The following PSTPIP1 variants were observed in gnomAD, a reference collection of about 807,000 sequenced individuals.
The protein encoded by PSTPIP1 is proline-serine-threonine phosphatase interacting protein 1, also known as proline-serine-threonine phosphatase-interacting protein 1.
PSTPIP1 carries 66 observed loss-of-function variants against 69.6 expected under a neutral mutation model. The observed-to-expected ratio is 0.95, with a 90% CI of 0.78 to 1.16. The LOEUF (loss-of-function observed/expected upper bound fraction) is 1.16, where lower values mean the gene tolerates loss of function less well. Among genes scored for constraint, PSTPIP1 ranks in the 50% most tolerant of loss-of-function variants. PSTPIP1 has a pLI of 0.00. For missense variants in PSTPIP1, 603 were observed against 557.4 expected (o/e 1.08, Z -0.82); for synonymous variants, 266 against 222.7 (o/e 1.19, Z -1.73).
intron 12 of PSTPIP1, among the ~76,000 whole-genome samples, chr15:77,034,397 A>C (rs1348899485): frequency 6.6e-6 from 1 of 151,980 alleles, no homozygotes; most frequent in African/African-American, 2.4e-5. Flanking sequence ...CACCCTGCGC[A>C]TGTGTGTGCA....
At chr15:77,001,170 A>G (rs1281789492) in intron 1 of PSTPIP1, among the ~76,000 whole-genome samples, 1 of 152,232 alleles carries the variant, frequency 6.6e-6, no homozygotes, top group East Asian at 1.9e-4. Context: ...TATTCTGGAC[A>G]GTGACACCAT....
chr15:76,994,970 C>T (rs115845814), upstream of PSTPIP1: 1,904 of 1,200,650 alleles, frequency 1.6e-3, 16 homozygotes, highest in African/African-American at 0.025. Flanking sequence ...GCTCCCTTAG[C>T]ATATGGCCTC....
rs1209371817 is a variant in PSTPIP1, at chr15:77,032,402, C to T, written c.838+8C>T. Reference sequence around the variant, plus strand: ...CGGGCACAGAGCCCCCCGGTGAGGTCCGGCTTGCGGACAGCGCAGCCTCTA... The same window carrying T: ...CGGGCACAGAGCCCCCCGGTGAGGTTCGGCTTGCGGACAGCGCAGCCTCTA... On this transcript the variant is annotated splice_region_variant and intron_variant, in intron 11 of 14. Coordinates refer to ENST00000558012, the MANE Select transcript of PSTPIP1 (RefSeq NM_003978.5). 6.2e-7 allele frequency: 1 copy of T among 1,612,500 alleles called. No homozygotes were observed. Among genetic ancestry groups the T allele is most frequent in the Admixed American group, 1.7e-5 (1 of 60,020 alleles).
chr15:76,998,748 G>T (rs1404326107), intron 1 of PSTPIP1, among the ~76,000 whole-genome samples: 1 of 152,198 alleles, frequency 6.6e-6, no homozygotes, highest in East Asian at 1.9e-4. Flanking sequence ...ACACAGTCCT[G>T]TCCCTCAGTC....
At chr15:77,034,752 G>A (rs758664536) in intron 12 of PSTPIP1, among the ~76,000 whole-genome samples, 8 of 152,228 alleles carry the variant, frequency 5.3e-5, no homozygotes, top group Non-Finnish European at 8.8e-5. Flanking sequence ...TCTTGCCTTG[G>A]AGGCAGTGTC....
chr15:77,030,916 CCT>C (rs1263956909), intron 9 of PSTPIP1, among the ~76,000 whole-genome samples: 1 of 152,248 alleles, frequency 6.6e-6, no homozygotes, highest in East Asian at 1.9e-4. Context: ...GTCCGAGGTC[CCT>C]CTCACTACCC....
In PSTPIP1 at chr15:77,031,180, GC is replaced by G; in HGVS notation, c.645del (p.Gln217SerfsTer8). ...WEQEHRTTCE[A>X]FQLQEFDRLT... is the part of the protein sequence containing the mutation. ...CTCACCTCCCTCCCACTGCCCCCAG[GC>G]CTTTCAGCTGCAAGAGTTTGACCGG... On this transcript the variant is annotated frameshift_variant and splice_region_variant, in exon 10 of 15. Transcript: ENST00000558012. LOFTEE classifies it high-confidence loss of function. The G allele has an allele frequency of 6.2e-7, 1 of 1,612,146 alleles. No individual in the cohort carries two copies. Among genetic ancestry groups the G allele is most frequent in the Non-Finnish European group, 8.5e-7 (1 of 1,179,392 alleles).
chr15:77,036,084 G>A (rs908794039), intron 14 of PSTPIP1, 149 bp downstream of exon 14: 27 of 1,114,098 alleles, frequency 2.4e-5, no homozygotes, highest in Admixed American at 5.8e-5. Flanking sequence ...ACGTGTGCCC[G>A]AGTGTGTCCA....
intron 1 of PSTPIP1, chr15:77,015,852 C>A (rs997287851): frequency 2.2e-6 from 1 of 449,052 alleles, no homozygotes; most frequent in Non-Finnish European, 4.5e-6. Context: ...GTAGCTCACT[C>A]GGCCACAGCC....
rs2076604238 is a variant in PSTPIP1 at position 77,037,244 on chromosome 15, C to T, written c.*68C>T. The stretch of plus-strand genomic sequence containing the variant: ...CCAGCAGTGCCCCCAGCACTGTCCC[C>T]ACCTTGCTAGGGCCCAGAACCAAGC... On this transcript the variant is annotated 3_prime_UTR_variant, in exon 15 of 15. Transcript: ENST00000558012. 4.6e-6 allele frequency: 7 copies of T among 1,537,154 alleles called. No individual in the cohort carries two copies. The highest frequency in any genetic ancestry group is 1.4e-5 in the African/African-American group (1 of 72,850).
chr15:77,006,059 A>G (rs930439583), intron 1 of PSTPIP1, among the ~76,000 whole-genome samples: 1 of 152,172 alleles, frequency 6.6e-6, no homozygotes, highest in Non-Finnish European at 1.5e-5. Flanking sequence ...AGTAACCGCC[A>G]AACAGTTTTA....
chr15:77,027,365 CTG>C lies in PSTPIP1; in HGVS notation c.355-484_355-483del, dbSNP rs1356886702. ...GTGGCCTGTGGTTGTGTGTGGGTGA[CTG>C]TGGGAGTGTGTACTTGTGAGTGGCA... On this transcript the variant is annotated intron_variant, in intron 5 of 14. Coordinates refer to ENST00000558012, the MANE Select transcript of PSTPIP1 (RefSeq NM_003978.5). This position sits in a 1 kb window ranked among gnomAD's most constrained non-coding sequence, Gnocchi z 4.3. Among the ~76,000 whole-genome samples the C allele has an allele frequency of 1.3e-5, 2 of 152,166 alleles. No homozygotes were observed. Among genetic ancestry groups the C allele is most frequent in the Non-Finnish European group, 2.9e-5 (2 of 68,022 alleles).
intron 8 of PSTPIP1, 70 bp from the exon 9 acceptor site, chr15:77,030,432 G>T: frequency 6.6e-7 from 1 of 1,503,768 alleles, no homozygotes; most frequent in Non-Finnish European, 9.1e-7. Context: ...CATCCAGGAT[G>T]GGACCTGCTG....
chr15:77,030,236 A>G (rs1396258340), intron 8 of PSTPIP1, among the ~76,000 whole-genome samples: 1 of 152,168 alleles, frequency 6.6e-6, no homozygotes, highest in Non-Finnish European at 1.5e-5. Context: ...GCGCCCAGAG[A>G]TGCCCAGAGG....
Position 77,031,205 on chromosome 15 carries a change from G to A in PSTPIP1, c.668G>A (p.Arg223Gln), listed in dbSNP as rs777380464. ...GCCTTTCAGCTGCAAGAGTTTGACC[G>A]GCTGACCATTCTCCGCAACGCCCTG... is the stretch of plus-strand genomic sequence containing the variant. ...CEAFQLQEFD[R>Q]LTILRNALWV... The change falls in exon 10 of 15, where the codon CGG becomes CAG. Residue 223 changes from arginine to glutamine, a missense_variant. Arg to Gln is a conservative substitution (Grantham distance 43, BLOSUM62 1). Transcript: ENST00000558012. The A allele has an allele frequency of 2.6e-5, 42 of 1,612,830 alleles. No homozygotes were observed. Among genetic ancestry groups the A allele is most frequent in the Admixed American group, 3.3e-5 (2 of 59,992 alleles).
At chr15:77,012,112 G>GCCATCCAT (rs566088503) in intron 1 of PSTPIP1, among the ~76,000 whole-genome samples, 1 of 88,460 alleles carries the variant, frequency 1.1e-5, no homozygotes, top group Non-Finnish European at 2.1e-5. Flanking sequence ...GAGGGCTCTG[G>GCCATCCAT]CCATCCATCC....
chr15:77,031,346 A>G, intron 10 of PSTPIP1, 68 bp downstream of exon 10: 1 of 1,516,468 alleles, frequency 6.6e-7, no homozygotes, highest in South Asian at 1.1e-5. Context: ...ACCCAGGTCC[A>G]TCTGAGCCGG....
intron 3 of PSTPIP1, among the ~76,000 whole-genome samples, chr15:77,022,525 G>A (rs573743335): frequency 6.6e-6 from 1 of 152,348 alleles, no homozygotes; most frequent in African/African-American, 2.4e-5. Context: ...GGTGCTCAGG[G>A]AGATCTTGAC....
intron 1 of PSTPIP1, among the ~76,000 whole-genome samples, chr15:77,000,244 T>C (rs955600438): frequency 6.6e-6 from 1 of 152,130 alleles, no homozygotes; most frequent in Non-Finnish European, 1.5e-5. Context: ...GCCCCTTCCC[T>C]ATGTGGCACT....
Sources: allele counts gnomAD v4.1 joint callset (sites outside exome capture counted in the v4.1 genomes callset), GRCh38; gene constraint gnomAD v4.1.1; non-coding constraint Gnocchi (gnomAD v3.1); transcripts MANE v1.5; gene names NCBI Gene and HGNC (gene_info 2026-07-23, HGNC 2026-07-21).